SAMD3: variants seen among roughly 807,000 people sequenced by gnomAD.
SAMD3 encodes sterile alpha motif domain-containing protein 3.
A neutral mutation model predicts 58.5 loss-of-function variants in SAMD3; 63 were observed. The observed-to-expected ratio is 1.08, with a 90% CI of 0.88 to 1.33. The LOEUF (loss-of-function observed/expected upper bound fraction) is 1.33, where lower values mean the gene tolerates loss of function less well. SAMD3 is among the 40% of genes most tolerant of loss of function. The pLI, the probability that SAMD3 is intolerant of heterozygous loss-of-function variation, is 0.00. For missense variants in SAMD3, 604 were observed against 608.4 expected, an observed-to-expected ratio of 0.99 and a Z score of 0.08; for synonymous variants, 220 against 210.3, an observed-to-expected ratio of 1.05 and a Z score of -0.40.
At chr6:130,333,733 A>G (rs1777013483) in intron 1 of SAMD3, among the ~76,000 whole-genome samples, 1 of 152,222 alleles carries the variant, frequency 6.6e-6, no homozygotes, top group Non-Finnish European at 1.5e-5. Context: ...AGGCTGCATA[A>G]AAATCAAGGA....
intron 2 of SAMD3, among the ~76,000 whole-genome samples, chr6:130,251,948 C>CTT (rs111321647): frequency 0.03 from 4,444 of 147,248 alleles, 76 homozygotes; most frequent in Non-Finnish European, 0.04. Context: ...TTTAAGTCCT[C>CTT]TTTTTTTTTT....
chr6:130,267,338 T>G (rs1029439468), intron 2 of SAMD3, among the ~76,000 whole-genome samples: 1 of 152,188 alleles, frequency 6.6e-6, no homozygotes, highest in Non-Finnish European at 1.5e-5. Context: ...CTACCCGTAC[T>G]TCTTCAAATG....
At chr6:130,157,873 G>C (rs1789930396) in intron 8 of SAMD3, among the ~76,000 whole-genome samples, 1 of 151,502 alleles carries the variant, frequency 6.6e-6, no homozygotes, top group Non-Finnish European at 1.5e-5. Flanking sequence ...GTTTTTCAGA[G>C]CAACTGAATA....
At chr6:130,213,198 G>A (rs1207351130) in intron 4 of SAMD3, among the ~76,000 whole-genome samples, 3 of 151,904 alleles carry the variant, frequency 2.0e-5, no homozygotes, top group Non-Finnish European at 2.9e-5. Context: ...CTTGGGAGGC[G>A]GAAGCAGGAG....
chr6:130,154,675 G>A (rs11154527), intron 9 of SAMD3, 150 bp downstream of exon 9: 77,769 of 150,786 alleles, frequency 0.52, 20,260 homozygotes, highest in Middle Eastern at 0.6. Flanking sequence ...CAGCCTGGGC[G>A]ACAGAGCAAG....
At chr6:130,195,346 G>A (rs952124855) in intron 5 of SAMD3, among the ~76,000 whole-genome samples, 14 of 152,054 alleles carry the variant, frequency 9.2e-5, no homozygotes, top group Non-Finnish European at 1.3e-4. Context: ...CCCACAGCAC[G>A]CTTTGGGCAT....
At chr6:130,243,134 G>T (rs1562477132) in intron 2 of SAMD3, among the ~76,000 whole-genome samples, 2 of 152,188 alleles carry the variant, frequency 1.3e-5, no homozygotes, top group Non-Finnish European at 2.9e-5. Flanking sequence ...ATGTGAAAGG[G>T]CACATGACCC....
intron 2 of SAMD3, among the ~76,000 whole-genome samples, chr6:130,230,181 C>T (rs1796502384): frequency 6.6e-6 from 1 of 152,136 alleles, no homozygotes; most frequent in South Asian, 2.1e-4. Context: ...TCGAGCCTAT[C>T]AGGAGAACGG....
rs554843510 is a variant in SAMD3 at position 130,152,936 on chromosome 6, C to T, written c.1023+1889G>A. On this transcript the variant is annotated intron_variant, in intron 9 of 11. Transcript: ENST00000439090. ...TCACCAATGGTTCTTTGAAAAGCTG[C>T]TTAACATAGTCCATTTATATTCATC... 1.9e-4 allele frequency among the ~76,000 whole-genome samples: 29 copies of T among 152,286 alleles called. No individual in the cohort carries two copies. The South Asian group carries it at 5.8e-3, about 30-fold the overall frequency.
At chr6:130,143,119 TAGAG>T (rs953413461), downstream of SAMD3, 7 of 152,192 alleles carry the variant, frequency 4.6e-5, no homozygotes, top group South Asian at 4.1e-4. Flanking sequence ...GAACAGTCCT[TAGAG>T]AGAGAAAGAT....
chr6:130,230,544 T>A (rs55939811), intron 2 of SAMD3, among the ~76,000 whole-genome samples: 6 of 151,896 alleles, frequency 4.0e-5, no homozygotes. Flanking sequence ...CCCGCCACCA[T>A]GCCCAGCACA....
At chr6:130,195,328 G>T (rs1231317973) in intron 5 of SAMD3, among the ~76,000 whole-genome samples, 1 of 152,086 alleles carries the variant, frequency 6.6e-6, no homozygotes, top group Non-Finnish European at 1.5e-5. Flanking sequence ...TCAATGCCAA[G>T]ATCCCATCCC....
chr6:130,179,929 C>T (rs1392877631), intron 7 of SAMD3, among the ~76,000 whole-genome samples: 1 of 151,396 alleles, frequency 6.6e-6, no homozygotes, highest in East Asian at 1.9e-4. Context: ...ATTCTCCTGC[C>T]TCAGCCTCCC....
intron 5 of SAMD3, among the ~76,000 whole-genome samples, chr6:130,192,548 C>T (rs576305237): frequency 2.8e-4 from 43 of 151,244 alleles, no homozygotes; most frequent in African/African-American, 1.0e-3. Context: ...CAGAGAACAA[C>T]CCCCCTTTTT....
intron 2 of SAMD3, among the ~76,000 whole-genome samples, chr6:130,271,869 C>T (rs960086801): frequency 2.6e-5 from 4 of 152,148 alleles, no homozygotes; most frequent in African/African-American, 4.8e-5. Context: ...ATTTATAAAA[C>T]CATCAGATCT....
rs1319552384 is a variant in SAMD3 at position 130,186,793 on chromosome 6, C to T, written c.384-2170G>A. 2.0e-4 allele frequency among the ~76,000 whole-genome samples: 18 copies of T among 89,774 alleles called. 1 individual carries two copies. The highest frequency in any genetic ancestry group is 6.5e-4 in the East Asian group (2 of 3,094). The allele number at this position is 89,774 out of a possible 152,430, so 58.9% of individuals were successfully genotyped here. ...TTTTTTTTTTTTTTTTTTTTTGAGA[C>T]GGAGTCTTGCTCTGTCACCCAGGCT... On this transcript the variant is annotated intron_variant, in intron 5 of 11. Coordinates refer to ENST00000439090, the MANE Select transcript of SAMD3 (RefSeq NM_001017373.4).
chr6:130,248,116 G>C (rs997280494), intron 2 of SAMD3, among the ~76,000 whole-genome samples: 18 of 151,328 alleles, frequency 1.2e-4, no homozygotes, highest in African/African-American at 4.4e-4. Context: ...CATTTGTCTG[G>C]TATACTTTTG....
chr6:130,249,456 T>G lies in SAMD3; in HGVS notation c.-187-26643A>C, dbSNP rs550309786. ...TCTTAACGTTTTGCAGCTATGAACA[T>G]TCTGAGTGCTGGCTAGAGTTTTAAA... On this transcript the variant is annotated intron_variant, in intron 2 of 13. Transcript: ENST00000368134. 3.9e-5 allele frequency among the ~76,000 whole-genome samples: 6 copies of G among 152,296 alleles called. No individual in the cohort carries two copies. In the East Asian group the frequency reaches 1.2e-3, roughly 29 times the overall value.
chr6:130,278,401 C>T (rs1363708216), intron 2 of SAMD3, among the ~76,000 whole-genome samples: 2 of 152,210 alleles, frequency 1.3e-5, no homozygotes, highest in Non-Finnish European at 2.9e-5. Context: ...TTCTCTATTG[C>T]AATTCCCCTG....
Sources: allele counts gnomAD v4.1 joint callset (sites outside exome capture counted in the v4.1 genomes callset), GRCh38; gene constraint gnomAD v4.1.1; transcripts MANE v1.5; gene names NCBI Gene and HGNC (gene_info 2026-07-23, HGNC 2026-07-21).